Variants in SMARCA2 observed in about 807,000 individuals in gnomAD.
The protein encoded by SMARCA2 is SWI/SNF-related matrix-associated actin-dependent regulator of chromatin subfamily A member 2.
Under a neutral mutation model 199.8 loss-of-function variants are expected in SMARCA2, and 61 were observed. The ratio of observed to expected loss-of-function variants is 0.31; its 90% CI spans 0.25 to 0.38. The LOEUF (loss-of-function observed/expected upper bound fraction) is 0.38, where lower values mean the gene tolerates loss of function less well. SMARCA2 is among the 10% of genes least tolerant of loss of function. The pLI, the probability that SMARCA2 is intolerant of heterozygous loss-of-function variation, is 1.00. For missense variants in SMARCA2, 1,344 were observed against 2,012.2 expected (o/e 0.67, Z 6.35); for synonymous variants, 935 against 732.0 (o/e 1.28, Z -4.48).
rs1586769154 is a variant in SMARCA2 at position 2,159,302 on chromosome 9, A to T, written c.3982-2384A>T. 6 of 325,270 alleles carry T rather than the reference A, an allele frequency of 1.8e-5. No homozygotes were observed. In the East Asian group the frequency reaches 3.3e-4, roughly 18 times the overall value. 20.1% of individuals were successfully genotyped at this position (325,270 alleles called of 1,614,324 possible). A position where few individuals can be genotyped will look rare whatever the true frequency, so the allele number is the denominator to read the frequency against. On this transcript the variant is annotated intron_variant, in intron 27 of 33. Coordinates refer to ENST00000349721, the MANE Select transcript of SMARCA2 (RefSeq NM_003070.5). The stretch of plus-strand genomic sequence containing the variant: ...AAAGTGAAGTGTTACAGTTGTTCTG[A>T]ATTTTCTTTAAAGAGCAGAATAACA...
chr9:2,064,858 C>G (rs897070316), intron 9 of SMARCA2, among the ~76,000 whole-genome samples: 1 of 152,202 alleles, frequency 6.6e-6, no homozygotes, highest in South Asian at 2.1e-4. Flanking sequence ...GGTTAGGAGC[C>G]CATACCAGGA....
intron 19 of SMARCA2, 200 bp from the exon 20 acceptor site, chr9:2,096,457 C>T (rs1401227001): frequency 3.8e-5 from 18 of 478,016 alleles, no homozygotes; most frequent in Non-Finnish European, 6.4e-5. Flanking sequence ...TTCAGAAGGC[C>T]CCCCCATCAT....
intron 21 of SMARCA2, 136 bp downstream of exon 21, chr9:2,097,607 T>C: frequency 1.7e-6 from 1 of 576,778 alleles, no homozygotes; most frequent in Non-Finnish European, 3.1e-6. Flanking sequence ...TGACATGATC[T>C]GATAGCTCGA....
intron 23 of SMARCA2, among the ~76,000 whole-genome samples, chr9:2,108,441 G>C (rs1340841525): frequency 6.6e-6 from 1 of 152,108 alleles, no homozygotes; most frequent in East Asian, 1.9e-4. Context: ...TTAACTGTTC[G>C]GTTTCATTAA....
In SMARCA2 at chr9:2,161,691, C is replaced by G; in HGVS notation, c.3987C>G (p.Ile1329Met). The change falls in exon 28 of 34, where the codon ATC (isoleucine) becomes ATG (methionine). Residue 1329 changes from isoleucine (I) to methionine (M), a missense_variant. Coordinates refer to ENST00000349721, the MANE Select transcript of SMARCA2 (RefSeq NM_003070.5). This position sits in a 1 kb window ranked among gnomAD's most constrained non-coding sequence, Gnocchi z 4.7. ...ALTEKQWLRAIEDGNLEEMEE... is the reference protein window; with the variant it reads ...ALTEKQWLRAMEDGNLEEMEE... ...CCTTTGTTTCCAACGAACAGGCCAT[C>G]GAAGACGGCAATTTGGAGGAAATGG... The G allele has an allele frequency of 6.2e-7, 1 of 1,612,588 alleles. No individual in the cohort carries two copies. Among genetic ancestry groups the G allele is most frequent in the Non-Finnish European group, 8.5e-7 (1 of 1,179,070 alleles).
chr9:2,073,626 A>G lies in SMARCA2; in HGVS notation c.1935+3A>G, dbSNP rs1489320171. The stretch of plus-strand genomic sequence containing the variant: ...GTGATTCTGATTATGAGGAAGAGGT[A>G]TGTATGTATCTCTGTTTGGGGTTTA... On this transcript the variant is annotated splice_donor_region_variant and intron_variant, in intron 12 of 33. Transcript: ENST00000349721. 6.2e-7 allele frequency: 1 copy of G among 1,601,626 alleles called. No individual in the cohort carries two copies. The highest frequency in any genetic ancestry group is 8.6e-7 in the Non-Finnish European group (1 of 1,168,762).
At chr9:2,156,345 G>T (rs1168836894) in intron 27 of SMARCA2, among the ~76,000 whole-genome samples, 2 of 103,784 alleles carry the variant, frequency 1.9e-5, no homozygotes, top group South Asian at 6.2e-4. Context: ...CCTTAATTTA[G>T]ATAATTTGGT....
intron 21 of SMARCA2, among the ~76,000 whole-genome samples, chr9:2,099,577 C>T (rs975777043): frequency 6.6e-6 from 1 of 152,110 alleles, no homozygotes; most frequent in Non-Finnish European, 1.5e-5. Flanking sequence ...TCAGTACCTA[C>T]ATATTGACAT....
intron 21 of SMARCA2, among the ~76,000 whole-genome samples, chr9:2,099,508 G>A (rs953936135): frequency 6.6e-6 from 1 of 152,122 alleles, no homozygotes; most frequent in Non-Finnish European, 1.5e-5. Flanking sequence ...TTGGAGGGTG[G>A]GAAAGGATAG....
chr9:2,114,253 G>C (rs187924882), intron 24 of SMARCA2, among the ~76,000 whole-genome samples: 1 of 152,316 alleles, frequency 6.6e-6, no homozygotes, highest in East Asian at 1.9e-4. Context: ...ATCTAATATA[G>C]ATGGGTCCCA....
rs1822958001 is a variant in SMARCA2, at chr9:2,110,789, G to A, written c.3456+372G>A. Among the ~76,000 whole-genome samples, 1 of 152,106 alleles carries A rather than the reference G, an allele frequency of 6.6e-6. No individual in the cohort carries two copies. Among genetic ancestry groups the A allele is most frequent in the African/African-American group, 2.4e-5 (1 of 41,416 alleles). On this transcript the variant is annotated intron_variant, in intron 24 of 33. Coordinates refer to ENST00000349721, the MANE Select transcript of SMARCA2 (RefSeq NM_003070.5). The surrounding 1 kb of genome is among the most constrained non-coding windows in gnomAD (Gnocchi z 4.8). ...ACCCTTAATCTGTGTCAGCCTCTTG[G>A]GCATTTTTTCATTCAGTTTTACGAC...
chr9:2,083,168 A>G (rs1203925712), intron 15 of SMARCA2, among the ~76,000 whole-genome samples, 179 bp from the exon 16 acceptor site: 1 of 152,078 alleles, frequency 6.6e-6, no homozygotes, highest in African/African-American at 2.4e-5. Flanking sequence ...ATGTTTTGTG[A>G]CAGTTTGTTT....
At chr9:2,181,770 A>T in intron 30 of SMARCA2, 94 bp downstream of exon 30, 1 of 728,498 alleles carries the variant, frequency 1.4e-6, no homozygotes, top group Non-Finnish European at 2.5e-6. Context: ...ACCGCCACTG[A>T]TGGGTACCCA....
chr9:2,182,698 T>C (rs1827136661), intron 31 of SMARCA2, among the ~76,000 whole-genome samples: 1 of 152,092 alleles, frequency 6.6e-6, no homozygotes. Flanking sequence ...TTTCACCATG[T>C]TGGCCAGGCT....
chr9:2,055,394 C>G (rs1409770944), intron 6 of SMARCA2, among the ~76,000 whole-genome samples: 1 of 152,154 alleles, frequency 6.6e-6, no homozygotes, highest in Non-Finnish European at 1.5e-5. Flanking sequence ...TTCACTTTGG[C>G]GAGTTTTGCC....
rs532545516 is a variant in SMARCA2, at chr9:2,184,948, T to TGAACGAGTAGGTCTTC, written c.4462-1147_4462-1132dup. Among the ~76,000 whole-genome samples, 378 of 152,336 alleles carry TGAACGAGTAGGTCTTC rather than the reference T, an allele frequency of 2.5e-3. 3 individuals carry two copies. The highest frequency in any genetic ancestry group is 8.7e-3 in the African/African-American group (363 of 41,570). On this transcript the variant is annotated intron_variant, in intron 31 of 33. Coordinates refer to ENST00000349721, the MANE Select transcript of SMARCA2 (RefSeq NM_003070.5). ...ACTGCAATTTGCCCAGTCACTTTTTTGAACGAGTAGGTCTTCTTTACAATA... is the reference window on the plus strand; with the variant it reads ...ACTGCAATTTGCCCAGTCACTTTTTTGAACGAGTAGGTCTTCGAACGAGTAGGTCTTCTTTACAATA...
chr9:2,186,261 T>A (rs1827446614), intron 32 of SMARCA2, 33 bp downstream of exon 32: 2 of 1,597,474 alleles, frequency 1.3e-6, no homozygotes, highest in African/African-American at 2.7e-5. Context: ...TGTACATCTT[T>A]GCCCCTCCTC....
chr9:2,043,526 C>T (rs546080124), intron 4 of SMARCA2: 5 of 152,158 alleles, frequency 3.3e-5, no homozygotes, highest in South Asian at 2.1e-4. Flanking sequence ...GAGGGAGAGA[C>T]CTTATGGTAG....
chr9:2,037,590 C>T (rs1465061070), intron 3 of SMARCA2, among the ~76,000 whole-genome samples: 1 of 152,006 alleles, frequency 6.6e-6, no homozygotes, highest in Non-Finnish European at 1.5e-5. Flanking sequence ...ATGGTGAATC[C>T]CCAGTTGGTG....
Sources: gnomAD v4.1 joint callset for allele counts (sites outside exome capture counted in the v4.1 genomes callset) on GRCh38, gnomAD v4.1.1 for gene constraint, Gnocchi (gnomAD v3.1) non-coding constraint, MANE v1.5 for transcripts, NCBI Gene and HGNC (gene_info 2026-07-23, HGNC 2026-07-21) for gene names.